The following TUBGCP5 variants were observed in gnomAD, a reference collection of about 807,000 sequenced individuals.
TUBGCP5 encodes tubulin gamma complex component 5.
Under a neutral mutation model 134.7 loss-of-function variants are expected in TUBGCP5, and 98 were observed. The observed-to-expected ratio is 0.73, with a 90% CI of 0.62 to 0.86. TUBGCP5 has a LOEUF of 0.86. Ranked by LOEUF, TUBGCP5 falls within the 40% of genes least tolerant of loss-of-function variation. The pLI is 0.00. For synonymous variants in TUBGCP5, 456 were observed against 431.4 expected, an observed-to-expected ratio of 1.06 and a Z score of -0.71; for missense variants, 1,150 against 1,244.8, an observed-to-expected ratio of 0.92 and a Z score of 1.15.
intron 13 of TUBGCP5, among the ~76,000 whole-genome samples, chr15:23,015,051 A>G (rs572207279): frequency 3.5e-4 from 54 of 152,174 alleles, no homozygotes; most frequent in Non-Finnish European, 6.0e-4. Context: ...TCTGAGAAAC[A>G]GTCCAGCAAG....
chr15:23,039,186 C>G (rs1204987545), intron 1 of TUBGCP5, among the ~76,000 whole-genome samples: 1 of 151,962 alleles, frequency 6.6e-6, no homozygotes, highest in Non-Finnish European at 1.5e-5. Flanking sequence ...AGGACGCGTC[C>G]CGGGTAACAC....
intron 10 of TUBGCP5, among the ~76,000 whole-genome samples, chr15:23,022,548 G>C (rs1170069199): frequency 6.6e-6 from 1 of 152,190 alleles, no homozygotes; most frequent in Non-Finnish European, 1.5e-5. Flanking sequence ...GCCTACAAAG[G>C]GCTGCACAAG....
chr15:23,007,066 C>A (rs1477264021), intron 16 of TUBGCP5, among the ~76,000 whole-genome samples: 2 of 152,052 alleles, frequency 1.3e-5, no homozygotes, highest in Admixed American at 1.3e-4. Flanking sequence ...TGTCACAGGG[C>A]AGTGTGTGAT....
At position 23,031,965 on chromosome 15, in the gene TUBGCP5, C is replaced by T. The variant is rs575483661; in HGVS notation, c.471G>A (p.Pro157=). 2.9e-5 allele frequency: 46 copies of T among 1,611,712 alleles called. No homozygotes were observed. The highest frequency in any genetic ancestry group is 1.6e-4 in the East Asian group (7 of 44,854). ...TACCACTTACTGGTGTGTCCATGTA[C>T]GGACCAATGTCCATTTCTTCATCTT... ...LMEDEEMDIG[P]YMDTPNWSEE... is the part of the protein sequence containing the mutation. The change falls in exon 5 of 23, where the codon CCG becomes CCA. Residue 157 remains proline, a synonymous_variant. Coordinates refer to ENST00000615383, the MANE Select transcript of TUBGCP5 (RefSeq NM_052903.6).
chr15:23,033,285 T>A (rs116723749), intron 3 of TUBGCP5, among the ~76,000 whole-genome samples: 1 of 151,954 alleles, frequency 6.6e-6, no homozygotes, highest in Admixed American at 6.6e-5. Flanking sequence ...TTTCATATTT[T>A]TTTTCCCCCC....
At chr15:22,994,826 G>A (rs1467846665), downstream of TUBGCP5, among the ~76,000 whole-genome samples, 1 of 152,156 alleles carries the variant, frequency 6.6e-6, no homozygotes, top group Non-Finnish European at 1.5e-5. Context: ...CAAATTGGCT[G>A]TACCAAGGCT....
chr15:22,986,687 G>C (rs531048788), intron 23 of TUBGCP5, among the ~76,000 whole-genome samples: 1 of 151,480 alleles, frequency 6.6e-6, no homozygotes, highest in African/African-American at 2.4e-5. Context: ...GCAGTGAGCT[G>C]AGATTGCGCC....
At chr15:23,007,231 G>A (rs532074503) in intron 16 of TUBGCP5, among the ~76,000 whole-genome samples, 3 of 152,064 alleles carry the variant, frequency 2.0e-5, no homozygotes, top group East Asian at 1.9e-4. Flanking sequence ...GTGAAACCCC[G>A]TCTCTATAAA....
intron 23 of TUBGCP5, among the ~76,000 whole-genome samples, chr15:22,985,515 G>A (rs2063652375): frequency 6.6e-6 from 1 of 152,038 alleles, no homozygotes; most frequent in Non-Finnish European, 1.5e-5. Flanking sequence ...ACCACACCTG[G>A]CTGTATAATG....
chr15:22,992,195 C>G (rs772284229), intron 23 of TUBGCP5, among the ~76,000 whole-genome samples: 2 of 152,154 alleles, frequency 1.3e-5, no homozygotes, highest in Non-Finnish European at 2.9e-5. Context: ...CATTGACTCT[C>G]TGGATCCTGT....
At chr15:22,992,393 A>G (rs1189674661) in intron 23 of TUBGCP5, among the ~76,000 whole-genome samples, 26 of 152,176 alleles carry the variant, frequency 1.7e-4, no homozygotes, top group Admixed American at 1.7e-3. Flanking sequence ...CTGACGAATC[A>G]GTTTACACAA....
intron 3 of TUBGCP5, among the ~76,000 whole-genome samples, 173 bp downstream of exon 3, chr15:23,036,724 C>T (rs1025973105): frequency 1.1e-4 from 17 of 152,114 alleles, no homozygotes; most frequent in Admixed American, 9.2e-4. Context: ...TCTTTCATCA[C>T]AAACTGAGGC....
intron 1 of TUBGCP5, among the ~76,000 whole-genome samples, chr15:23,039,105 C>T (rs1182016693): frequency 6.6e-6 from 1 of 152,048 alleles, no homozygotes; most frequent in Non-Finnish European, 1.5e-5. Flanking sequence ...CTGGGCCTCC[C>T]AGAGCGCTGG....
rs750130741 is a variant in TUBGCP5, at chr15:23,027,356, G to A, written c.623-50C>T. On this transcript the variant is annotated intron_variant, in intron 6 of 22. Coordinates refer to ENST00000615383, the MANE Select transcript of TUBGCP5 (RefSeq NM_052903.6). ...TTGAGTTAACAACAACAAAATACTG[G>A]GTCACAATACCTGGACTTACAGCTC... The A allele has an allele frequency of 8.2e-6, 12 of 1,461,640 alleles. No homozygotes were observed. In the South Asian group the frequency reaches 1.3e-4, roughly 16 times the overall value. 90.5% of individuals were successfully genotyped at this position (1,461,640 alleles called of 1,614,324 possible).
intron 13 of TUBGCP5, among the ~76,000 whole-genome samples, chr15:23,014,215 A>G (rs1049756965): frequency 6.6e-6 from 1 of 152,076 alleles, no homozygotes; most frequent in Admixed American, 6.5e-5. Context: ...CACAGCATCA[A>G]CCCCTTGCAG....
intron 14 of TUBGCP5, among the ~76,000 whole-genome samples, chr15:23,010,777 GA>G (rs1419586840): frequency 6.6e-6 from 1 of 151,990 alleles, no homozygotes; most frequent in African/African-American, 2.4e-5. Flanking sequence ...TCAGGAGTTC[GA>G]GGCAAGCCTG....
In TUBGCP5 at chr15:23,019,326, G is replaced by A. The variant is rs1422833413; in HGVS notation, c.1380C>T (p.Leu460=). ...VGEASEQTVS[L]LFSLWVETVR... is the part of the protein sequence containing the mutation. ...CCGTTTCCACCCAGAGAGAGAAAAG[G>A]AGGGAGACCTGAGGCAGAGAGTGTG... Residue 460 remains leucine (L), a synonymous_variant, in exon 12 of 23, where the codon CTC becomes CTT. Transcript: ENST00000615383. 2 of 1,612,802 alleles carry A rather than the reference G, an allele frequency of 1.2e-6. No individual in the cohort carries two copies. Among genetic ancestry groups the A allele is most frequent in the South Asian group, 2.2e-5 (2 of 90,846 alleles).
chr15:23,001,029 A>C (rs2064341238), intron 21 of TUBGCP5, among the ~76,000 whole-genome samples: 1 of 152,088 alleles, frequency 6.6e-6, no homozygotes, highest in Non-Finnish European at 1.5e-5. Flanking sequence ...TTAAAATCTG[A>C]AATTATTTTT....
At chr15:23,011,442 T>C (rs963589718) in intron 13 of TUBGCP5, 111 bp from the exon 14 acceptor site, 3 of 315,800 alleles carry the variant, frequency 9.5e-6, no homozygotes, top group Non-Finnish European at 1.1e-5. Context: ...AAAATCTATA[T>C]ATTTATATAT....
Sources: gnomAD v4.1 joint callset for allele counts (sites outside exome capture counted in the v4.1 genomes callset) on GRCh38, gnomAD v4.1.1 for gene constraint, MANE v1.5 for transcripts, NCBI Gene and HGNC (gene_info 2026-07-23, HGNC 2026-07-21) for gene names.